FRMD4B: variants seen among roughly 807,000 people sequenced by gnomAD.
The protein encoded by FRMD4B is FERM domain-containing protein 4B.
In FRMD4B, 74 loss-of-function variants were observed where a neutral mutation model predicts 141.5. The ratio of observed to expected loss-of-function variants is 0.52; its 90% CI spans 0.43 to 0.63. FRMD4B has a LOEUF of 0.63. Ranked by LOEUF, FRMD4B falls within the 30% of genes least tolerant of loss-of-function variation. The probability of loss-of-function intolerance (pLI) is 0.00; values close to 1 mark genes in which losing one functional copy is unlikely to be tolerated. For synonymous variants in FRMD4B, 506 were observed against 467.9 expected (o/e 1.08, Z -1.05); for missense variants, 1,366 against 1,253.4 (o/e 1.09, Z -1.36).
At chr3:69,214,713 T>C (rs1041085487) in intron 11 of FRMD4B, among the ~76,000 whole-genome samples, 1 of 151,882 alleles carries the variant, frequency 6.6e-6, no homozygotes, top group Non-Finnish European at 1.5e-5. Context: ...TTTCTAAAAA[T>C]GATCTGGGCA....
At position 69,334,398 on chromosome 3, in the gene FRMD4B, C is replaced by T. The variant is rs140281016; in HGVS notation, c.163-20881G>A. The T allele has an allele frequency of 2.4e-4, 35 of 143,336 alleles. No homozygotes were observed. In the East Asian group the frequency reaches 5.7e-3, roughly 23 times the overall value. The allele number at this position is 143,336 out of a possible 1,614,324, so 8.9% of individuals were successfully genotyped here. A position where few individuals can be genotyped will look rare whatever the true frequency, so the allele number is the denominator to read the frequency against. ...CTATAAATCCCAGGACTTTGGGAGGCGGAGGTGGGCAGATTGCTTGAAGCC... is the reference window on the plus strand; with the variant it reads ...CTATAAATCCCAGGACTTTGGGAGGTGGAGGTGGGCAGATTGCTTGAAGCC... On this transcript the variant is annotated intron_variant, in intron 1 of 22. Transcript: ENST00000398540.
intron 1 of FRMD4B, among the ~76,000 whole-genome samples, chr3:69,539,420 T>C (rs530293160): frequency 3.3e-5 from 5 of 152,318 alleles, no homozygotes; most frequent in South Asian, 4.1e-4. Context: ...TCCCACACTT[T>C]TCTAGATTAG....
chr3:69,198,964 A>G (rs1011342551), intron 11 of FRMD4B, 190 bp from the exon 12 acceptor site: 5 of 576,994 alleles, frequency 8.7e-6, no homozygotes, highest in Admixed American at 3.1e-5. Flanking sequence ...TCTGGCAGCA[A>G]TCTTTAACTA....
Position 69,485,577 on chromosome 3 carries a change from A to T in FRMD4B, c.-128-52816T>A, listed in dbSNP as rs115984226. Among the ~76,000 whole-genome samples the T allele has an allele frequency of 8.8e-3, 1,336 of 152,244 alleles. 10 individuals are homozygous for T. Among genetic ancestry groups the T allele is most frequent in the Non-Finnish European group, 0.012 (806 of 67,970 alleles). On this transcript the variant is annotated intron_variant, in intron 1 of 5. Transcript: ENST00000459638. ...CAACTGGGGAGCTCCCACCCCACCAACTTGGAAGGGGTAGGGCTCCCGCTT... is the reference window on the plus strand; with the variant it reads ...CAACTGGGGAGCTCCCACCCCACCATCTTGGAAGGGGTAGGGCTCCCGCTT...
At chr3:69,200,872 G>C in intron 11 of FRMD4B, 1 of 460,380 alleles carries the variant, frequency 2.2e-6, no homozygotes, top group South Asian at 1.5e-5. Flanking sequence ...GTTTTCCTTT[G>C]CGTCCATTCC....
Position 69,250,074 on chromosome 3 carries a change from G to C in FRMD4B, c.527C>G (p.Thr176Ser). The C allele has an allele frequency of 6.2e-7, 1 of 1,610,970 alleles. No individual in the cohort carries two copies. Among genetic ancestry groups the C allele is most frequent in the Non-Finnish European group, 8.5e-7 (1 of 1,177,162 alleles). Residue 176 changes from threonine to serine, a missense_variant, in exon 6 of 23, where the codon ACC (threonine) becomes AGC (serine). Transcript: ENST00000398540. ...AATAAACGCTGCTAACTTGAAGATG[G>C]TTTCGCTCTCTACTTCGATTTGCCC... ...HKGQIEVESE[T>S]IFKLAAFILQ...
chr3:69,414,861 GT>G (rs5849900), intron 2 of FRMD4B, among the ~76,000 whole-genome samples: 23,884 of 97,414 alleles, frequency 0.25, 1,213 homozygotes, highest in East Asian at 0.31. Flanking sequence ...CGAACAAGCT[GT>G]TTTTTTTTTT....
At chr3:69,233,470 G>A (rs899367198) in intron 7 of FRMD4B, among the ~76,000 whole-genome samples, 3 of 147,940 alleles carry the variant, frequency 2.0e-5, no homozygotes, top group African/African-American at 7.5e-5. Flanking sequence ...GTGACAGAGT[G>A]AGACCCTGTC....
chr3:69,402,203 T>C (rs1302221801), intron 2 of FRMD4B, among the ~76,000 whole-genome samples: 1 of 152,202 alleles, frequency 6.6e-6, no homozygotes, highest in Non-Finnish European at 1.5e-5. Flanking sequence ...GGAAAGGGCA[T>C]GTGATCAGCT....
In FRMD4B at chr3:69,222,044, G is replaced by C; in HGVS notation, c.666-121C>G. On this transcript the variant is annotated intron_variant, in intron 8 of 22. Coordinates refer to ENST00000398540, the MANE Select transcript of FRMD4B (RefSeq NM_015123.3). Reference sequence around the variant, plus strand: ...AGAGAAAGCCTTCACCAACTTGTTTGGTAGATAGAGTTTGGCTTTTGTTTC... The same window carrying C: ...AGAGAAAGCCTTCACCAACTTGTTTCGTAGATAGAGTTTGGCTTTTGTTTC... 4.5e-6 allele frequency: 3 copies of C among 663,700 alleles called. No homozygotes were observed. In the South Asian group the frequency reaches 5.1e-5, roughly 11 times the overall value. 41.1% of individuals were successfully genotyped at this position (663,700 alleles called of 1,614,324 possible).
chr3:69,390,849 C>T (rs755452227), upstream of FRMD4B, among the ~76,000 whole-genome samples: 1 of 151,784 alleles, frequency 6.6e-6, no homozygotes, highest in Non-Finnish European at 1.5e-5. Flanking sequence ...GCTGAGATCA[C>T]ATCACTGCAC....
At chr3:69,478,883 G>A (rs1706056300) in intron 1 of FRMD4B, among the ~76,000 whole-genome samples, 1 of 151,474 alleles carries the variant, frequency 6.6e-6, no homozygotes, top group African/African-American at 2.4e-5. Flanking sequence ...ATGAATCTGG[G>A]TGCTCCTGTA....
chr3:69,277,147 G>C (rs1393589198), intron 5 of FRMD4B, among the ~76,000 whole-genome samples: 1 of 152,110 alleles, frequency 6.6e-6, no homozygotes, highest in Non-Finnish European at 1.5e-5. Flanking sequence ...CTAATGTTTG[G>C]CTCACTTGTC....
chr3:69,474,329 G>A (rs1705946803), intron 1 of FRMD4B, among the ~76,000 whole-genome samples: 1 of 152,128 alleles, frequency 6.6e-6, no homozygotes. Context: ...GGTATATCTG[G>A]GGAAACTCAG....
intron 7 of FRMD4B, among the ~76,000 whole-genome samples, chr3:69,226,785 A>G (rs910669873): frequency 1.2e-4 from 18 of 152,212 alleles, no homozygotes; most frequent in Admixed American, 1.3e-4. Flanking sequence ...ATACAAATGC[A>G]GTCAGCCAAA....
chr3:69,352,884 T>G (rs1703194492), intron 1 of FRMD4B, among the ~76,000 whole-genome samples: 1 of 152,180 alleles, frequency 6.6e-6, no homozygotes, highest in South Asian at 2.1e-4. Context: ...CAAAGGATCC[T>G]TTCAGATGGG....
At chr3:69,228,269 C>T (rs2093273331) in intron 7 of FRMD4B, 1 of 455,282 alleles carries the variant, frequency 2.2e-6, no homozygotes, top group Admixed American at 2.4e-5. Flanking sequence ...TAATACTCTA[C>T]AAAGCATATC....
Position 69,224,595 on chromosome 3 carries a change from G to A in FRMD4B, c.665+12C>T, listed in dbSNP as rs1467280184. On this transcript the variant is annotated intron_variant, in intron 8 of 22. Transcript: ENST00000398540. ...ATGAAAATGAGACACCTGTTATGTG[G>A]ATTTGGCTTACCAGTAGGCAAGGGA... The A allele has an allele frequency of 7.4e-7, 1 of 1,359,054 alleles. No homozygotes were observed. Among genetic ancestry groups the A allele is most frequent in the Non-Finnish European group, 1.0e-6 (1 of 954,268 alleles). 84.2% of individuals were successfully genotyped at this position (1,359,054 alleles called of 1,614,324 possible). A position where few individuals can be genotyped will look rare whatever the true frequency, so the allele number is the denominator to read the frequency against.
chr3:69,484,524 T>C (rs538311556), intron 1 of FRMD4B, among the ~76,000 whole-genome samples: 2 of 152,224 alleles, frequency 1.3e-5, no homozygotes, highest in East Asian at 1.9e-4. Flanking sequence ...AGTGTTAGAA[T>C]AGCTCAGAGG....
Sources: gnomAD v4.1 joint callset for allele counts (sites outside exome capture counted in the v4.1 genomes callset) on GRCh38, gnomAD v4.1.1 for gene constraint, MANE v1.5 for transcripts, NCBI Gene and HGNC (gene_info 2026-07-23, HGNC 2026-07-21) for gene names.